The following IL1RAPL1 variants were observed in gnomAD, a reference collection of about 807,000 sequenced individuals.
IL1RAPL1 encodes interleukin 1 receptor accessory protein like 1.
In IL1RAPL1, 3 loss-of-function variants were observed where a neutral mutation model predicts 48.4. The observed-to-expected ratio is 0.06, with a 90% CI of 0.03 to 0.16. The LOEUF is 0.16. IL1RAPL1 is among the 10% of genes least tolerant of loss of function. The probability of loss-of-function intolerance (pLI) is 1.00; values close to 1 mark genes in which losing one functional copy is unlikely to be tolerated. For missense variants in IL1RAPL1, 349 were observed against 530.6 expected (o/e 0.66, Z 3.36); for synonymous variants, 185 against 187.7 (o/e 0.99, Z 0.12).
chrX:29,079,976 T>G (rs1451356558), intron 2 of IL1RAPL1, among the ~76,000 whole-genome samples: 1 of 111,876 alleles, frequency 8.9e-6, no homozygotes, highest in East Asian at 2.8e-4. Context: ...ACCGTCATAG[T>G]GAAGGAAAAC....
At chrX:28,881,420 C>T (rs5943569) in intron 2 of IL1RAPL1, among the ~76,000 whole-genome samples, 36,295 of 110,303 alleles carry the variant, frequency 0.33, 4,447 homozygotes, top group Admixed American at 0.41. Context: ...TTTTCTCTGT[C>T]GGGTGTAAGA....
intron 2 of IL1RAPL1, among the ~76,000 whole-genome samples, chrX:28,865,332 A>G (rs1169955052): frequency 9.1e-6 from 1 of 110,166 alleles, no homozygotes; most frequent in Non-Finnish European, 1.9e-5. Context: ...CCAGCTACTC[A>G]GGAGGCTGAG....
intron 2 of IL1RAPL1, among the ~76,000 whole-genome samples, chrX:28,995,311 T>C (rs1333083670): frequency 9.0e-6 from 1 of 111,598 alleles, no homozygotes; most frequent in East Asian, 2.8e-4. Context: ...CTAATCTCTT[T>C]TTAGCAGGAA....
At chrX:29,519,985 A>G (rs1042081489) in intron 5 of IL1RAPL1, among the ~76,000 whole-genome samples, 7 of 111,982 alleles carry the variant, frequency 6.3e-5, no homozygotes, top group African/African-American at 1.9e-4. Context: ...TCTGAACCTA[A>G]GTCCATGTCT....
At chrX:28,796,144 C>A (rs1037402383) in intron 2 of IL1RAPL1, among the ~76,000 whole-genome samples, 1 of 111,773 alleles carries the variant, frequency 8.9e-6, no homozygotes, top group Admixed American at 9.5e-5. Context: ...GGTCTGCCCC[C>A]ATAATTTAAT....
intron 2 of IL1RAPL1, among the ~76,000 whole-genome samples, chrX:29,114,874 C>T (rs1024443045): frequency 1.8e-5 from 2 of 111,352 alleles, no homozygotes; most frequent in African/African-American, 6.5e-5. Flanking sequence ...GTGATTCGCC[C>T]GCCTCTACCT....
At chrX:28,981,333 A>C (rs1925336101) in intron 2 of IL1RAPL1, among the ~76,000 whole-genome samples, 1 of 108,862 alleles carries the variant, frequency 9.2e-6, no homozygotes, top group African/African-American at 3.3e-5. Flanking sequence ...TACACCTGAA[A>C]ACGATCCTAA....
intron 5 of IL1RAPL1, among the ~76,000 whole-genome samples, chrX:29,506,423 T>TCTTCTC (rs1190548136): frequency 1.3e-5 from 1 of 79,634 alleles, no homozygotes. Flanking sequence ...CTCTTCTTCT[T>TCTTCTC]CTTCTCCTTC....
chrX:28,800,272 C>T (rs902454321), intron 2 of IL1RAPL1, among the ~76,000 whole-genome samples: 4 of 112,114 alleles, frequency 3.6e-5, no homozygotes, highest in Non-Finnish European at 7.5e-5. Flanking sequence ...CCAGCATGAT[C>T]TCATTTTGAG....
At chrX:28,963,001 C>A (rs962970185) in intron 2 of IL1RAPL1, among the ~76,000 whole-genome samples, 15 of 110,320 alleles carry the variant, frequency 1.4e-4, no homozygotes, top group African/African-American at 4.9e-4. Context: ...ATAACTCCCT[C>A]ACTTACTTAG....
chrX:29,802,785 G>GTGTATATATATATATATATATA (rs1929966835), intron 6 of IL1RAPL1, among the ~76,000 whole-genome samples: 1 of 20,897 alleles, frequency 4.8e-5, no homozygotes, highest in Non-Finnish European at 8.4e-5. Context: ...ATATATATGT[G>GTGTATATATATATATATATATA]TGTGTGTATA....
At chrX:29,161,746 T>G (rs964932853) in intron 2 of IL1RAPL1, among the ~76,000 whole-genome samples, 4 of 112,263 alleles carry the variant, frequency 3.6e-5, no homozygotes, top group African/African-American at 1.3e-4. Flanking sequence ...ACAACGCTTT[T>G]ACACTGTTGG....
intron 2 of IL1RAPL1, among the ~76,000 whole-genome samples, chrX:29,146,422 T>C (rs1929351811): frequency 9.0e-6 from 1 of 111,530 alleles, no homozygotes; most frequent in Non-Finnish European, 1.9e-5. Flanking sequence ...TTTCCCTCCT[T>C]ACAGCTGTTA....
At chrX:29,600,281 T>C (rs769891890) in intron 5 of IL1RAPL1, among the ~76,000 whole-genome samples, 1 of 111,607 alleles carries the variant, frequency 9.0e-6, no homozygotes, top group Non-Finnish European at 1.9e-5. Flanking sequence ...ACTGCAGTGA[T>C]TGTCTTTGCT....
chrX:28,939,988 TTTTAC>T (rs1368262474), intron 2 of IL1RAPL1, among the ~76,000 whole-genome samples: 1 of 111,691 alleles, frequency 9.0e-6, no homozygotes, highest in Admixed American at 9.5e-5. Context: ...CTATGTGCAT[TTTTAC>T]TTTGTCTTTC....
chrX:29,512,835 A>G (rs1375917985), intron 5 of IL1RAPL1, among the ~76,000 whole-genome samples: 1 of 111,978 alleles, frequency 8.9e-6, no homozygotes, highest in African/African-American at 3.2e-5. Context: ...TGTAAACTGT[A>G]GTAAAGCCAA....
chrX:28,709,180 A>G (rs1428404315), intron 1 of IL1RAPL1, among the ~76,000 whole-genome samples: 1 of 112,501 alleles, frequency 8.9e-6, no homozygotes, highest in Non-Finnish European at 1.9e-5. Context: ...ATCTGAGAAG[A>G]TTAAAAAAAG....
chrX:29,738,024 ATT>A (rs1293148449), intron 6 of IL1RAPL1, among the ~76,000 whole-genome samples: 2 of 112,310 alleles, frequency 1.8e-5, no homozygotes, highest in Non-Finnish European at 3.8e-5. Flanking sequence ...AAGTTAAGAG[ATT>A]TAAATTTCAA....
At chrX:29,124,966 C>T (rs1457977410) in intron 2 of IL1RAPL1, among the ~76,000 whole-genome samples, 2 of 111,783 alleles carry the variant, frequency 1.8e-5, no homozygotes, top group East Asian at 2.8e-4. Context: ...AATGAATTAA[C>T]GACTAATGTC....
Sources: allele counts gnomAD v4.1 joint callset (sites outside exome capture counted in the v4.1 genomes callset), GRCh38; gene constraint gnomAD v4.1.1; transcripts MANE v1.5; gene names NCBI Gene and HGNC (gene_info 2026-07-23, HGNC 2026-07-21).